DGKH: variants seen among roughly 807,000 people sequenced by gnomAD.
DGKH encodes diacylglycerol kinase eta, also known as DAG kinase eta.
In DGKH, 90 loss-of-function variants were observed where a neutral mutation model predicts 159.3. That is an observed-to-expected ratio of 0.57 (90% CI 0.48 to 0.67). DGKH has a LOEUF of 0.67. DGKH is among the 30% of genes least tolerant of loss of function. The probability of loss-of-function intolerance (pLI) is 0.00; values close to 1 mark genes in which losing one functional copy is unlikely to be tolerated. For missense variants in DGKH, 1,181 were observed against 1,506.1 expected (o/e 0.78, Z 3.57); for synonymous variants, 536 against 553.8 (o/e 0.97, Z 0.45).
At chr13:42,082,952 C>A (rs528331190) in intron 1 of DGKH, among the ~76,000 whole-genome samples, 1 of 152,076 alleles carries the variant, frequency 6.6e-6, no homozygotes, top group Non-Finnish European at 1.5e-5. Context: ...TCTAGTTCTT[C>A]GGGATAATGG....
chr13:42,041,894 C>T lies in DGKH; in HGVS notation c.-13+1768C>T, dbSNP rs143056011. 3.9e-4 allele frequency among the ~76,000 whole-genome samples: 60 copies of T among 152,312 alleles called. No homozygotes were observed. In the East Asian group the frequency reaches 0.011, roughly 29 times the overall value. The stretch of plus-strand genomic sequence containing the variant: ...GGATGCTGTTTTCCCAGGGACTCTC[C>T]GAGTCTGCTCAGGCCGGCCCTCTGC... On this transcript the variant is annotated intron_variant, in intron 1 of 29. Coordinates refer to the DGKH transcript ENST00000379274.
At chr13:42,181,103 C>T (rs1164348577) in intron 13 of DGKH, among the ~76,000 whole-genome samples, 11 of 151,628 alleles carry the variant, frequency 7.3e-5, no homozygotes, top group Non-Finnish European at 1.5e-4. Context: ...GGTGAAACCC[C>T]GTCTCTACTA....
chr13:42,126,942 A>G, intron 1 of DGKH, among the ~76,000 whole-genome samples: 1 of 152,182 alleles, frequency 6.6e-6, no homozygotes, highest in Non-Finnish European at 1.5e-5. Flanking sequence ...ACCATGCACT[A>G]AGTCCTTTAA....
intron 1 of DGKH, among the ~76,000 whole-genome samples, chr13:42,093,246 A>G (rs1255930010): frequency 1.4e-5 from 2 of 146,224 alleles, no homozygotes; most frequent in Non-Finnish European, 3.0e-5. Flanking sequence ...TCTGTCTCCA[A>G]AAAAAAAAAA....
intron 29 of DGKH, among the ~76,000 whole-genome samples, chr13:42,222,363 C>G (rs1266246886): frequency 6.6e-6 from 1 of 152,080 alleles, no homozygotes; most frequent in Non-Finnish European, 1.5e-5. Context: ...TAGCAAAGAT[C>G]TTTGAATAGA....
chr13:42,099,413 G>A (rs1004372175), intron 1 of DGKH, among the ~76,000 whole-genome samples: 2 of 152,084 alleles, frequency 1.3e-5, no homozygotes, highest in Admixed American at 6.6e-5. Context: ...GAAAATTTCC[G>A]GAAAAATGTG....
intron 11 of DGKH, among the ~76,000 whole-genome samples, chr13:42,171,517 A>C (rs1249124686): frequency 2.0e-5 from 3 of 152,198 alleles, no homozygotes; most frequent in African/African-American, 4.8e-5. Context: ...TATAGCATGG[A>C]GGGTGCAAGG....
Position 42,181,150 on chromosome 13 carries a change from G to A in DGKH, c.1538+2930G>A, listed in dbSNP as rs564373366. 4.6e-5 allele frequency among the ~76,000 whole-genome samples: 7 copies of A among 151,978 alleles called. No homozygotes were observed. The South Asian group carries it at 1.2e-3, about 27-fold the overall frequency. On this transcript the variant is annotated intron_variant, in intron 13 of 29. Coordinates refer to ENST00000337343, the MANE Select transcript of DGKH (RefSeq NM_178009.5). ...AAATTAGCCGGGCGTGATGGTGGGC[G>A]CCTGTAGTCCTAGCTACTCGGGAGG... is the stretch of plus-strand genomic sequence containing the variant.
At chr13:42,171,186 T>C (rs1956445934) in intron 11 of DGKH, among the ~76,000 whole-genome samples, 1 of 152,202 alleles carries the variant, frequency 6.6e-6, no homozygotes, top group South Asian at 2.1e-4. Flanking sequence ...ATTAAATCCC[T>C]TCTCCTAGAG....
chr13:42,202,851 A>G (rs1050140368), intron 20 of DGKH, among the ~76,000 whole-genome samples: 1 of 152,194 alleles, frequency 6.6e-6, no homozygotes, highest in Admixed American at 6.5e-5. Flanking sequence ...AAGAAGGATG[A>G]CTTTTTTGCC....
chr13:42,151,531 G>GTATATA (rs146776372), intron 3 of DGKH, among the ~76,000 whole-genome samples: 1 of 98,094 alleles, frequency 1.0e-5, no homozygotes, highest in East Asian at 3.0e-4. Context: ...ATATACACGT[G>GTATATA]TATATATATA....
chr13:42,146,360 AG>A (rs1211556998), intron 3 of DGKH, among the ~76,000 whole-genome samples: 1 of 152,196 alleles, frequency 6.6e-6, no homozygotes, highest in Non-Finnish European at 1.5e-5. Flanking sequence ...GTGTAAAGAA[AG>A]GTTTTCAAGT....
At chr13:42,123,856 T>C (rs1203051783) in intron 1 of DGKH, among the ~76,000 whole-genome samples, 1 of 152,184 alleles carries the variant, frequency 6.6e-6, no homozygotes, top group Non-Finnish European at 1.5e-5. Flanking sequence ...GTGAAGCAAC[T>C]GTTGGCAGCA....
At position 42,174,164 on chromosome 13, in the gene DGKH, C is replaced by T; in HGVS notation, c.1452+20C>T. ...TTTTATGTAAGACTTAACCCTTTACCTATCATTTGAAATGGGGGTGGATAT... is the reference window on the plus strand; with the variant it reads ...TTTTATGTAAGACTTAACCCTTTACTTATCATTTGAAATGGGGGTGGATAT... On this transcript the variant is annotated intron_variant, in intron 12 of 29. Coordinates refer to ENST00000337343, the MANE Select transcript of DGKH (RefSeq NM_178009.5). The T allele has an allele frequency of 1.3e-6, 2 of 1,573,552 alleles. No individual in the cohort carries two copies. Among genetic ancestry groups the T allele is most frequent in the Non-Finnish European group, 1.7e-6 (2 of 1,150,944 alleles).
intron 26 of DGKH, 119 bp from the exon 27 acceptor site, chr13:42,219,110 TA>T: frequency 1.6e-6 from 2 of 1,258,154 alleles, no homozygotes; most frequent in Non-Finnish European, 2.1e-6. Context: ...TTCCTTAATT[TA>T]AAAAATACTA....
At chr13:42,129,318 G>A (rs911177500) in intron 2 of DGKH, among the ~76,000 whole-genome samples, 2 of 152,172 alleles carry the variant, frequency 1.3e-5, no homozygotes, top group Admixed American at 1.3e-4. Context: ...CAGCACATTT[G>A]CATTGAAACA....
Position 42,230,867 on chromosome 13 carries a change from A to C in DGKH, c.*1679A>C, listed in dbSNP as rs1958273482. 6.6e-6 allele frequency: 1 copy of C among 152,174 alleles called. No homozygotes were observed. The highest frequency in any genetic ancestry group is 2.4e-5 in the African/African-American group (1 of 41,434). The allele number at this position is 152,174 out of a possible 1,614,324, so 9.4% of individuals were successfully genotyped here. A position where few individuals can be genotyped will look rare whatever the true frequency, so the allele number is the denominator to read the frequency against. The stretch of plus-strand genomic sequence containing the variant: ...GTCAGGCATATTATTTAATTACATC[A>C]AAGGAGTTTAACTGTTTGACACTTT... On this transcript the variant is annotated 3_prime_UTR_variant, in exon 30 of 30. Transcript: ENST00000337343.
rs1958410890 is a variant in DGKH at position 42,236,257 on chromosome 13, G to GT, written c.*7071dup. On this transcript the variant is annotated 3_prime_UTR_variant, in exon 30 of 30. Coordinates refer to ENST00000337343, the MANE Select transcript of DGKH (RefSeq NM_178009.5). ...TCTAGCTCTTTTCCTTTTTACTGCTGTTGTTTAGAGTGTGTAGTTCTGTTG... is the reference window on the plus strand; with the variant it reads ...TCTAGCTCTTTTCCTTTTTACTGCTGTTTGTTTAGAGTGTGTAGTTCTGTTG... 6.6e-6 allele frequency: 1 copy of GT among 152,118 alleles called. No homozygotes were observed. The highest frequency in any genetic ancestry group is 1.5e-5 in the Non-Finnish European group (1 of 68,010). The allele number at this position is 152,118 out of a possible 1,614,324, so 9.4% of individuals were successfully genotyped here.
intron 9 of DGKH, among the ~76,000 whole-genome samples, chr13:42,167,973 A>G (rs1265164663): frequency 6.6e-6 from 1 of 152,190 alleles, no homozygotes; most frequent in African/African-American, 2.4e-5. Flanking sequence ...ATAGGAGAAG[A>G]GGAGGAGAAA....
Sources: allele counts gnomAD v4.1 joint callset (sites outside exome capture counted in the v4.1 genomes callset), GRCh38; gene constraint gnomAD v4.1.1; transcripts MANE v1.5; gene names NCBI Gene and HGNC (gene_info 2026-07-23, HGNC 2026-07-21).